DLC1: variants seen among roughly 807,000 people sequenced by gnomAD.
DLC1 encodes the protein rho GTPase-activating protein 7.
Under a neutral mutation model 140.3 loss-of-function variants are expected in DLC1, and 54 were observed. That is an observed-to-expected ratio of 0.38 (90% CI 0.31 to 0.48). The LOEUF (loss-of-function observed/expected upper bound fraction) is 0.48, where lower values mean the gene tolerates loss of function less well. Ranked by LOEUF, DLC1 falls within the 20% of genes least tolerant of loss-of-function variation. DLC1 has a pLI of 0.96. For missense variants in DLC1, 2,536 were observed against 1,907.0 expected (o/e 1.33, Z -6.14); for synonymous variants, 986 against 728.1 (o/e 1.35, Z -5.70).
chr8:13,457,472 A>G (rs1799448361), intron 2 of DLC1, among the ~76,000 whole-genome samples: 1 of 151,974 alleles, frequency 6.6e-6, no homozygotes, highest in African/African-American at 2.4e-5. Context: ...AGGTCAAGAA[A>G]TCAAGACCAT....
At chr8:13,592,476 G>C (rs1039526220) in intron 1 of DLC1, among the ~76,000 whole-genome samples, 4 of 151,130 alleles carry the variant, frequency 2.6e-5, no homozygotes, top group Non-Finnish European at 4.4e-5. Context: ...CTTACTTTTT[G>C]CTTTACGTGT....
At chr8:13,180,958 C>T (rs1825995834) in intron 5 of DLC1, among the ~76,000 whole-genome samples, 2 of 151,892 alleles carry the variant, frequency 1.3e-5, no homozygotes, top group Non-Finnish European at 2.9e-5. Context: ...CACTATTTAG[C>T]GCTTGACATA....
intron 1 of DLC1, among the ~76,000 whole-genome samples, chr8:13,556,021 G>T (rs1804033222): frequency 6.6e-6 from 1 of 152,132 alleles, no homozygotes; most frequent in South Asian, 2.1e-4. Flanking sequence ...TGAAGAGACA[G>T]GTGGAAGAGA....
intron 4 of DLC1, among the ~76,000 whole-genome samples, chr8:13,355,025 G>A (rs185736677): frequency 6.4e-4 from 97 of 151,192 alleles, no homozygotes; most frequent in African/African-American, 2.3e-3. Context: ...ATGAAATAAT[G>A]AAACATTATT....
intron 1 of DLC1, among the ~76,000 whole-genome samples, chr8:13,524,581 C>A (rs969469398): frequency 6.6e-6 from 1 of 152,070 alleles, no homozygotes; most frequent in Admixed American, 6.5e-5. Flanking sequence ...TATCTAATAC[C>A]AGCTCCTGTA....
At chr8:13,139,042 T>C (rs1328114680) in intron 5 of DLC1, among the ~76,000 whole-genome samples, 4 of 151,952 alleles carry the variant, frequency 2.6e-5, no homozygotes, top group Admixed American at 2.6e-4. Context: ...CCCAGCATTT[T>C]GAGAGGCTAA....
At chr8:13,539,043 A>G (rs1803395429) in intron 1 of DLC1, among the ~76,000 whole-genome samples, 1 of 152,152 alleles carries the variant, frequency 6.6e-6, no homozygotes, top group Non-Finnish European at 1.5e-5. Flanking sequence ...ATAAGACTGA[A>G]TCCTTAAATC....
At chr8:13,093,595 G>C (rs530955044) in intron 12 of DLC1, among the ~76,000 whole-genome samples, 1 of 152,292 alleles carries the variant, frequency 6.6e-6, no homozygotes, top group East Asian at 1.9e-4. Flanking sequence ...AGAGCATGTG[G>C]TGGAAAAATC....
At chr8:13,420,354 G>A (rs1047282470) in intron 2 of DLC1, among the ~76,000 whole-genome samples, 14 of 152,020 alleles carry the variant, frequency 9.2e-5, no homozygotes, top group African/African-American at 2.2e-4. Flanking sequence ...AGAGACTTAC[G>A]CTACAGTAAT....
At chr8:13,132,958 G>A in intron 5 of DLC1, 1 of 1,610,910 alleles carries the variant, frequency 6.2e-7, no homozygotes, top group Non-Finnish European at 8.5e-7. Context: ...TAGGATCATG[G>A]TGTCCGGCTT....
chr8:13,549,085 C>A lies in DLC1; in HGVS notation c.-125-48889G>T, dbSNP rs537905590. 2.6e-5 allele frequency among the ~76,000 whole-genome samples: 4 copies of A among 152,134 alleles called. No individual in the cohort carries two copies. The South Asian group carries it at 8.3e-4, about 31-fold the overall frequency. On this transcript the variant is annotated intron_variant, in intron 1 of 1. Transcript: ENST00000631382. ...CTATATTAAAAGTCAGGAAATGAGT[C>A]TCCACCTACAGATGACTTATTTTCT...
intron 5 of DLC1, among the ~76,000 whole-genome samples, chr8:13,190,994 G>A (rs1250236099): frequency 6.6e-6 from 1 of 151,996 alleles, no homozygotes; most frequent in Non-Finnish European, 1.5e-5. Context: ...TATGTGTTTG[G>A]GGGAGTGCTG....
intron 9 of DLC1, 118 bp from the exon 10 acceptor site, chr8:13,098,693 G>C: frequency 1.8e-6 from 2 of 1,133,892 alleles, no homozygotes; most frequent in Non-Finnish European, 1.2e-6. Flanking sequence ...ACAGCTCACT[G>C]CAGCCTTGAA....
At chr8:13,526,688 C>A (rs145317758) in intron 1 of DLC1, among the ~76,000 whole-genome samples, 8 of 151,982 alleles carry the variant, frequency 5.3e-5, no homozygotes, top group Admixed American at 5.2e-4. Flanking sequence ...AGCCAAACAC[C>A]GCATGTTCTC....
intron 5 of DLC1, among the ~76,000 whole-genome samples, chr8:13,265,992 A>T (rs536819011): frequency 1.3e-5 from 2 of 152,190 alleles, no homozygotes; most frequent in Non-Finnish European, 2.9e-5. Context: ...CAGTTGTGCA[A>T]TGATTATGCG....
At chr8:13,253,702 A>G (rs1830101321) in intron 5 of DLC1, among the ~76,000 whole-genome samples, 1 of 152,346 alleles carries the variant, frequency 6.6e-6, no homozygotes. Context: ...TGCTTTCCCC[A>G]GGCTGCACAT....
In DLC1 at chr8:13,506,581, GTATATATATA is replaced by G. The variant is rs36209609; in HGVS notation, c.-125-6395_-125-6386del. ...CACACACACACATGTGTGTGTGTGT[GTATATATATA>G]TATATATATATATATATACACATAT... On this transcript the variant is annotated intron_variant, in intron 1 of 17. Coordinates refer to ENST00000276297, the MANE Select transcript of DLC1 (RefSeq NM_182643.3). Among the ~76,000 whole-genome samples the G allele has an allele frequency of 3.9e-3, 508 of 130,978 alleles. 12 individuals are homozygous for G. The highest frequency in any genetic ancestry group is 9.5e-3 in the African/African-American group (296 of 31,158). The allele number at this position is 130,978 out of a possible 152,430, so 85.9% of individuals were successfully genotyped here. A position where few individuals can be genotyped will look rare whatever the true frequency, so the allele number is the denominator to read the frequency against.
intron 5 of DLC1, among the ~76,000 whole-genome samples, chr8:13,191,208 G>A (rs538825265): frequency 6.6e-6 from 1 of 152,146 alleles, no homozygotes; most frequent in East Asian, 1.9e-4. Context: ...TGCTTACATT[G>A]CTATTAAACC....
In DLC1 at chr8:13,451,112, TAAC is replaced by T. The variant is rs1045188259; in HGVS notation, c.1023+47934_1023+47936del. Among the ~76,000 whole-genome samples, 19 of 124,514 alleles carry T rather than the reference TAAC, an allele frequency of 1.5e-4. No individual in the cohort carries two copies. In the South Asian group the frequency reaches 1.6e-3, roughly 11 times the overall value. The allele number at this position is 124,514 out of a possible 152,430, so 81.7% of individuals were successfully genotyped here. Reference sequence around the variant, plus strand: ...AGATATAGGTCAAATTTTCTTAAGATAACAACGAAATAAAGTAAGAGTAAATAT... The same window carrying T: ...AGATATAGGTCAAATTTTCTTAAGATAACGAAATAAAGTAAGAGTAAATAT... On this transcript the variant is annotated intron_variant, in intron 2 of 17. Transcript: ENST00000276297.
Sources: allele counts gnomAD v4.1 joint callset (sites outside exome capture counted in the v4.1 genomes callset), GRCh38; gene constraint gnomAD v4.1.1; transcripts MANE v1.5; gene names NCBI Gene and HGNC (gene_info 2026-07-23, HGNC 2026-07-21).